Variants in RIC1 observed in about 807,000 individuals in gnomAD.
RIC1 encodes RIC1 partner of RAB6A GEF complex, also known as guanine nucleotide exchange factor subunit RIC1.
In RIC1, 88 loss-of-function variants were observed where a neutral mutation model predicts 169.0. That is an observed-to-expected ratio of 0.52 (90% CI 0.44 to 0.62). The LOEUF (loss-of-function observed/expected upper bound fraction) is 0.62, where lower values mean the gene tolerates loss of function less well. Ranked by LOEUF, RIC1 falls within the 20% of genes least tolerant of loss-of-function variation. The pLI is 0.00. For missense variants in RIC1, 1,877 were observed against 1,725.5 expected (o/e 1.09, Z -1.56); for synonymous variants, 790 against 601.5 (o/e 1.31, Z -4.59).
chr9:5,767,834 G>C (rs1826900076), intron 21 of RIC1, among the ~76,000 whole-genome samples: 1 of 152,162 alleles, frequency 6.6e-6, no homozygotes. Flanking sequence ...TGATCCGCCT[G>C]CCTCTGCCTC....
chr9:5,665,509 G>A (rs1354986509), intron 2 of RIC1, among the ~76,000 whole-genome samples: 4 of 152,176 alleles, frequency 2.6e-5, no homozygotes, highest in Non-Finnish European at 4.4e-5. Context: ...ATTTGGAGGA[G>A]AATAGGCACT....
chr9:5,763,810 A>T lies in RIC1; in HGVS notation c.2783A>T (p.Glu928Val). The T allele has an allele frequency of 6.2e-7, 1 of 1,614,152 alleles. No homozygotes were observed. The highest frequency in any genetic ancestry group is 8.5e-7 in the Non-Finnish European group (1 of 1,179,994). The change falls in exon 19 of 26, where the codon GAG (glutamate) becomes GTG (valine). Residue 928 changes from glutamate (E) to valine (V), a missense_variant. By Grantham distance (121) the Glu-to-Val change is moderately radical (BLOSUM62 -2). Coordinates refer to ENST00000414202, the MANE Select transcript of RIC1 (RefSeq NM_020829.4). This position sits in a 1 kb window ranked among gnomAD's most constrained non-coding sequence, Gnocchi z 5.2. ...GTTGGAAACCCTAAGGACTTGTTTGAGGAGTGTTTGATGGCTCAGGATTTG... is the reference window on the plus strand; with the variant it reads ...GTTGGAAACCCTAAGGACTTGTTTGTGGAGTGTTTGATGGCTCAGGATTTG... ...AAVGNPKDLF[E>V]ECLMAQDLDT...
chr9:5,778,516 G>T (rs1299917048), downstream of RIC1, among the ~76,000 whole-genome samples: 1 of 152,138 alleles, frequency 6.6e-6, no homozygotes, highest in Non-Finnish European at 1.5e-5. Context: ...CTAGCTGTGG[G>T]TTTTTTATTG....
intron 3 of RIC1, among the ~76,000 whole-genome samples, chr9:5,696,427 T>C (rs1001300046): frequency 1.3e-5 from 2 of 152,122 alleles, no homozygotes; most frequent in African/African-American, 2.4e-5. Flanking sequence ...ATGTAAGAAA[T>C]TTATCTGAGT....
In RIC1 at chr9:5,738,558, T is replaced by TA; in HGVS notation, c.901+20_901+21insA. 6.7e-7 allele frequency: 1 copy of TA among 1,488,074 alleles called. No individual in the cohort carries two copies. Among genetic ancestry groups the TA allele is most frequent in the Non-Finnish European group, 9.0e-7 (1 of 1,105,060 alleles). The allele number at this position is 1,488,074 out of a possible 1,614,324, so 92.2% of individuals were successfully genotyped here. ...ATCCTGGTGAGTCTTTTTTTTTTTTTTTTTTTTTAACATTTTTAATGTACT... is the reference window on the plus strand; with the variant it reads ...ATCCTGGTGAGTCTTTTTTTTTTTTTATTTTTTTTAACATTTTTAATGTACT... On this transcript the variant is annotated intron_variant, in intron 8 of 25. Coordinates refer to ENST00000414202, the MANE Select transcript of RIC1 (RefSeq NM_020829.4).
intron 14 of RIC1, among the ~76,000 whole-genome samples, chr9:5,754,550 G>T (rs925033047): frequency 6.6e-6 from 1 of 152,042 alleles, no homozygotes; most frequent in Non-Finnish European, 1.5e-5. Context: ...CCAACATGAC[G>T]AAACCCCGTC....
chr9:5,722,348 A>AGTGTGTGTGTGT lies in RIC1; in HGVS notation c.720+1621_720+1632dup, dbSNP rs1554673860. ...CTTGCAAAAACTATAAGAGAGAGAG[A>AGTGTGTGTGTGT]GTGTGTGTGTGTGTGTGTGTGTGTG... On this transcript the variant is annotated intron_variant, in intron 6 of 25. Transcript: ENST00000414202. Among the ~76,000 whole-genome samples, 319 of 131,328 alleles carry AGTGTGTGTGTGT rather than the reference A, an allele frequency of 2.4e-3. 3 individuals are homozygous for AGTGTGTGTGTGT. Among genetic ancestry groups the AGTGTGTGTGTGT allele is most frequent in the African/African-American group, 8.9e-3 (310 of 34,844 alleles). 86.2% of individuals were successfully genotyped at this position (131,328 alleles called of 152,430 possible).
intron 4 of RIC1, among the ~76,000 whole-genome samples, chr9:5,716,685 C>T (rs914213212): frequency 7.9e-5 from 12 of 152,192 alleles, no homozygotes; most frequent in African/African-American, 2.7e-4. Flanking sequence ...GTTCTGACAT[C>T]GCCCTACTAC....
intron 4 of RIC1, among the ~76,000 whole-genome samples, chr9:5,715,852 C>T (rs977567440): frequency 7.1e-6 from 1 of 141,412 alleles, no homozygotes; most frequent in Non-Finnish European, 1.5e-5. Context: ...CCGACAGGGT[C>T]TCACCTTGTC....
intron 1 of RIC1, among the ~76,000 whole-genome samples, chr9:5,649,728 C>T (rs547339804): frequency 1.7e-4 from 23 of 134,558 alleles, no homozygotes; most frequent in African/African-American, 6.5e-4. Flanking sequence ...TTGGAGATGT[C>T]ATAATTTCTT....
chr9:5,773,960 C>G lies in RIC1; in HGVS notation c.3986C>G (p.Pro1329Arg). The G allele has an allele frequency of 3.8e-6, 6 of 1,597,574 alleles. No homozygotes were observed. The highest frequency in any genetic ancestry group is 5.1e-6 in the Non-Finnish European group (6 of 1,172,836). The change falls in exon 26 of 26, where the codon CCT (proline) becomes CGT (arginine). Residue 1329 changes from proline to arginine, a missense_variant and splice_region_variant. Physicochemically the swap from Pro to Arg is moderately radical, Grantham distance 103. Around this residue, in one of 3 missense-constraint regions of RIC1, gnomAD observed 681 missense variants for 582.0 expected, o/e 1.17. Transcript: ENST00000414202. ...TAATGTTTTTTTTCTCTACATAGTC[C>G]TGGATATAAGCCATTTTTAAACATC... Reference protein sequence around the residue: ...AVDRWASTDCPGYKPFLNIIK... With the variant: ...AVDRWASTDCRGYKPFLNIIK...
chr9:5,741,039 A>T (rs1453121488), intron 8 of RIC1, among the ~76,000 whole-genome samples: 1 of 152,072 alleles, frequency 6.6e-6, no homozygotes. Flanking sequence ...TTGAAGGTAA[A>T]CTCTACTTTG....
intron 1 of RIC1, among the ~76,000 whole-genome samples, chr9:5,635,968 T>C (rs1325560557): frequency 6.6e-6 from 1 of 152,240 alleles, no homozygotes; most frequent in African/African-American, 2.4e-5. Flanking sequence ...AGTGTGAAAA[T>C]GGACTAACAC....
chr9:5,647,577 A>G (rs1003652340), intron 1 of RIC1, among the ~76,000 whole-genome samples: 1 of 151,624 alleles, frequency 6.6e-6, no homozygotes, highest in Non-Finnish European at 1.5e-5. Flanking sequence ...CGGTTTGCTG[A>G]TTTTTCTGTG....
intron 1 of RIC1, among the ~76,000 whole-genome samples, chr9:5,644,191 C>A (rs780404900): frequency 1.3e-5 from 2 of 152,144 alleles, no homozygotes; most frequent in Non-Finnish European, 2.9e-5. Flanking sequence ...TTATATCAGC[C>A]TTAAAAAGTA....
intron 2 of RIC1, among the ~76,000 whole-genome samples, chr9:5,681,106 G>A (rs906402099): frequency 1.4e-4 from 22 of 151,992 alleles, no homozygotes; most frequent in Non-Finnish European, 2.1e-4. Flanking sequence ...GATTACAGGC[G>A]TGAGCCACCG....
chr9:5,656,787 A>G (rs1563874124), intron 2 of RIC1, 97 bp downstream of exon 2: 5 of 696,318 alleles, frequency 7.2e-6, no homozygotes, highest in Admixed American at 4.7e-5. Context: ...AGTCTTTTGC[A>G]CTCATAAGTA....
At chr9:5,635,267 A>C (rs7033156) in intron 1 of RIC1, among the ~76,000 whole-genome samples, 1 of 152,090 alleles carries the variant, frequency 6.6e-6, no homozygotes, top group Admixed American at 6.5e-5. Flanking sequence ...AGCATGGGCC[A>C]CCACACCCAG....
At chr9:5,653,000 A>T (rs529311553) in intron 1 of RIC1, among the ~76,000 whole-genome samples, 10 of 152,300 alleles carry the variant, frequency 6.6e-5, no homozygotes, top group African/African-American at 2.4e-4. Flanking sequence ...GTAATATATC[A>T]CATTTATTGA....
Sources: allele counts gnomAD v4.1 joint callset (sites outside exome capture counted in the v4.1 genomes callset), GRCh38; gene constraint gnomAD v4.1.1; regional missense constraint gnomAD v4.1.1; non-coding constraint Gnocchi (gnomAD v3.1); transcripts MANE v1.5; gene names NCBI Gene and HGNC (gene_info 2026-07-23, HGNC 2026-07-21).